Variants in POTEF observed in about 807,000 individuals in gnomAD.
POTEF encodes ANKRD26-like family C member 1B.
A neutral mutation model predicts 83.2 loss-of-function variants in POTEF; 20 were observed. That is an observed-to-expected ratio of 0.24 (90% CI 0.17 to 0.35). The LOEUF is 0.35. Among genes scored for constraint, POTEF ranks in the 10% least tolerant of loss-of-function variants. The probability of loss-of-function intolerance (pLI) is 1.00; values close to 1 mark genes in which losing one functional copy is unlikely to be tolerated. For missense variants in POTEF, 550 were observed against 1,203.2 expected (o/e 0.46, Z 8.03); for synonymous variants, 196 against 446.4 (o/e 0.44, Z 7.07).
rs971846788 is a variant in POTEF, at chr2:130,127,783, G to A, written c.-168C>T. Reference sequence around the variant, plus strand: ...GAGCTGCAGAGTCACGCCACATGCAGGCTCCAGCGTACCACAGGTGATTCC... The same window carrying A: ...GAGCTGCAGAGTCACGCCACATGCAAGCTCCAGCGTACCACAGGTGATTCC... On this transcript the variant is annotated 5_prime_UTR_variant, in exon 2 of 17. Coordinates refer to ENST00000409914, the MANE Select transcript of POTEF (RefSeq NM_001099771.2). 2.0e-5 allele frequency: 3 copies of A among 150,920 alleles called. No individual in the cohort carries two copies. Among genetic ancestry groups the A allele is most frequent in the Admixed American group, 6.6e-5 (1 of 15,118 alleles). 9.3% of individuals were successfully genotyped at this position (150,920 alleles called of 1,614,324 possible).
At chr2:130,109,023 A>T (rs969691306) in intron 7 of POTEF, among the ~76,000 whole-genome samples, 8 of 151,356 alleles carry the variant, frequency 5.3e-5, no homozygotes, top group Non-Finnish European at 1.0e-4. Flanking sequence ...ACATACTAAC[A>T]ATATATTTTG....
At chr2:130,126,004 T>C (rs953030814) in intron 2 of POTEF, among the ~76,000 whole-genome samples, 4 of 151,216 alleles carry the variant, frequency 2.6e-5, no homozygotes, top group African/African-American at 7.3e-5. Context: ...GACAATACTC[T>C]TGAAAATGGT....
intron 2 of POTEF, among the ~76,000 whole-genome samples, chr2:130,127,324 CAAAAAAAAAAAAAAA>C (rs57173649): frequency 1.3e-3 from 16 of 12,438 alleles, no homozygotes; most frequent in African/African-American, 5.0e-3. Context: ...GACTCTGTCT[CAAAAAAAAAAAAAAA>C]AAAAAAAAAA....
intron 5 of POTEF, among the ~76,000 whole-genome samples, chr2:130,112,827 A>G (rs10909566): frequency 1.3e-5 from 2 of 150,932 alleles, no homozygotes; most frequent in African/African-American, 5.0e-5. Flanking sequence ...TTGACAAAAA[A>G]TGGTTTAGAA....
At chr2:130,113,617 A>G (rs1292312282) in intron 5 of POTEF, among the ~76,000 whole-genome samples, 1 of 98,810 alleles carries the variant, frequency 1.0e-5, no homozygotes, top group African/African-American at 3.6e-5. Flanking sequence ...CTCCCACCTC[A>G]GCCTCCCTAG....
rs757318852 is a variant in POTEF at position 130,120,147 on chromosome 2, G to A, written c.369C>T (p.Tyr123=). Residue 123 remains tyrosine (Y), a synonymous_variant, in exon 3 of 17, where the codon TAC becomes TAT. Coordinates refer to ENST00000409914, the MANE Select transcript of POTEF (RefSeq NM_001099771.2). Reference sequence around the variant, plus strand: ...TGGGCTCCATGAAGGCACTGTCATCGTAGTCTCCCCAAGCGCCCACCTTGC... The same window carrying A: ...TGGGCTCCATGAAGGCACTGTCATCATAGTCTCCCCAAGCGCCCACCTTGC... ...SKSKVGAWGD[Y]DDSAFMEPRY... is the part of the protein sequence containing the mutation. 2.0e-5 allele frequency: 33 copies of A among 1,609,820 alleles called. 1 individual carries two copies. Among genetic ancestry groups the A allele is most frequent in the South Asian group, 1.3e-4 (12 of 90,924 alleles).
rs575176589 is a variant in POTEF, at chr2:130,114,409, C to T, written c.810+472G>A. Among the ~76,000 whole-genome samples, 6 of 146,172 alleles carry T rather than the reference C, an allele frequency of 4.1e-5. No individual in the cohort carries two copies. In the East Asian group the frequency reaches 1.2e-3, roughly 29 times the overall value. ...TTGCTTTCCACTTCTGGCTCATGAG[C>T]AATCAGAAATATCTTAAGCCTTGCC... On this transcript the variant is annotated intron_variant, in intron 5 of 16. Coordinates refer to ENST00000409914, the MANE Select transcript of POTEF (RefSeq NM_001099771.2).
At chr2:130,111,663 TAAG>T (rs1684713693) in intron 6 of POTEF, among the ~76,000 whole-genome samples, 1 of 151,026 alleles carries the variant, frequency 6.6e-6, no homozygotes, top group Non-Finnish European at 1.5e-5. Context: ...TAGAAAGGGT[TAAG>T]AAGTTCAATA....
chr2:130,083,618 A>C (rs1221423266), intron 15 of POTEF, among the ~76,000 whole-genome samples: 1 of 113,180 alleles, frequency 8.8e-6, no homozygotes, highest in Non-Finnish European at 1.7e-5. Flanking sequence ...CTTGAGGAAA[A>C]ATAGTTCTGG....
intron 16 of POTEF, among the ~76,000 whole-genome samples, chr2:130,075,936 A>C (rs1187009416): frequency 2.7e-5 from 4 of 149,900 alleles, no homozygotes; most frequent in Non-Finnish European, 5.9e-5. Context: ...ATATAAGATT[A>C]ATAATTTGAC....
intron 1 of POTEF, among the ~76,000 whole-genome samples, chr2:130,128,597 CACA>C (rs1408916371): frequency 4.7e-5 from 7 of 150,502 alleles, no homozygotes; most frequent in Non-Finnish European, 7.4e-5. Flanking sequence ...CGATAGTGCC[CACA>C]ACCTGACCCA....
chr2:130,102,716 G>C (rs1196198324), intron 8 of POTEF, among the ~76,000 whole-genome samples: 1 of 150,882 alleles, frequency 6.6e-6, no homozygotes, highest in African/African-American at 2.5e-5. Flanking sequence ...ACTCAGAGCT[G>C]TTTTTACAAA....
intron 3 of POTEF, among the ~76,000 whole-genome samples, chr2:130,117,797 AT>A (rs1489839255): frequency 3.3e-5 from 5 of 152,108 alleles, no homozygotes; most frequent in Non-Finnish European, 7.3e-5. Flanking sequence ...AGTAAAAAGC[AT>A]AACATTTTAA....
chr2:130,094,991 C>T (rs144703538), intron 11 of POTEF, among the ~76,000 whole-genome samples: 898 of 150,540 alleles, frequency 6.0e-3, no homozygotes, highest in African/African-American at 0.021. Flanking sequence ...CAGACAATTA[C>T]CAGGCAAAAC....
chr2:130,094,974 A>T (rs574564212), intron 11 of POTEF, among the ~76,000 whole-genome samples: 3 of 151,874 alleles, frequency 2.0e-5, no homozygotes, highest in South Asian at 2.1e-4. Context: ...AAACGATTTT[A>T]AAAATGCAGA....
chr2:130,125,477 T>C (rs908308862), intron 2 of POTEF, among the ~76,000 whole-genome samples: 3 of 149,496 alleles, frequency 2.0e-5, no homozygotes, highest in Admixed American at 1.3e-4. Context: ...TGATACAATA[T>C]AGATTGTCTT....
At chr2:130,116,553 T>G (rs1684850571) in intron 3 of POTEF, among the ~76,000 whole-genome samples, 1 of 140,676 alleles carries the variant, frequency 7.1e-6, no homozygotes, top group South Asian at 2.3e-4. Flanking sequence ...CCTCTAGGTA[T>G]CTGTGTGTTC....
chr2:130,116,041 G>A (rs2104822515), intron 3 of POTEF, among the ~76,000 whole-genome samples: 1 of 152,164 alleles, frequency 6.6e-6, no homozygotes, highest in South Asian at 2.1e-4. Flanking sequence ...CAGGTCCGGG[G>A]CGGTTCCAGT....
rs534017715 is a variant in POTEF, at chr2:130,120,770, C to A, written c.-93-162G>T. The A allele has an allele frequency of 4.8e-5, 34 of 707,160 alleles. 1 individual carries two copies. The South Asian group carries it at 6.7e-4, about 14-fold the overall frequency. 43.8% of individuals were successfully genotyped at this position (707,160 alleles called of 1,614,324 possible). On this transcript the variant is annotated intron_variant, in intron 2 of 16. Coordinates refer to ENST00000409914, the MANE Select transcript of POTEF (RefSeq NM_001099771.2). ...ACCCCAGAAAGGGCCAACCCCCGCC[C>A]CCAAGAAAACACCCAGCCCACCCAA... is the stretch of plus-strand genomic sequence containing the variant.
Sources: allele counts gnomAD v4.1 joint callset (sites outside exome capture counted in the v4.1 genomes callset), GRCh38; gene constraint gnomAD v4.1.1; transcripts MANE v1.5; gene names NCBI Gene and HGNC (gene_info 2026-07-23, HGNC 2026-07-21).